Variants in PLCB4 observed in about 807,000 individuals in gnomAD.
PLCB4 encodes the protein phospholipase C beta 4, also known as 1-phosphatidylinositol 4,5-bisphosphate phosphodiesterase beta-4.
A neutral mutation model predicts 178.8 loss-of-function variants in PLCB4; 77 were observed. That is an observed-to-expected ratio of 0.43 (90% CI 0.36 to 0.52). The LOEUF is 0.52. Ranked by LOEUF, PLCB4 falls within the 20% of genes least tolerant of loss-of-function variation. The pLI, the probability that PLCB4 is intolerant of heterozygous loss-of-function variation, is 0.00. For synonymous variants in PLCB4, 496 were observed against 490.8 expected, an observed-to-expected ratio of 1.01 and a Z score of -0.14; for missense variants, 1,024 against 1,453.4, an observed-to-expected ratio of 0.70 and a Z score of 4.80.
intron 25 of PLCB4, among the ~76,000 whole-genome samples, chr20:9,414,430 C>T (rs6056603): frequency 0.069 from 10,512 of 152,286 alleles, 1,229 homozygotes; most frequent in African/African-American, 0.24. Context: ...GCATGGTTCT[C>T]ACCGTGTCAC....
intron 2 of PLCB4, among the ~76,000 whole-genome samples, chr20:9,176,118 T>G (rs1361263097): frequency 6.6e-6 from 1 of 152,196 alleles, no homozygotes; most frequent in Non-Finnish European, 1.5e-5. Context: ...AACTATGTAT[T>G]CTTTTTATCT....
At chr20:9,184,648 A>AT (rs1170854255) in intron 2 of PLCB4, among the ~76,000 whole-genome samples, 6 of 148,998 alleles carry the variant, frequency 4.0e-5, no homozygotes, top group South Asian at 2.1e-4. Flanking sequence ...TTAGGAGGCA[A>AT]TTTTTTTTTA....
intron 1 of PLCB4, among the ~76,000 whole-genome samples, chr20:9,083,061 C>A (rs755831189): frequency 6.6e-5 from 10 of 152,160 alleles, no homozygotes; most frequent in Non-Finnish European, 1.0e-4. Context: ...GCAGCAGATG[C>A]CTTCTGAAAA....
intron 2 of PLCB4, among the ~76,000 whole-genome samples, chr20:9,120,747 CAGGTGAATA>C (rs11468176): frequency 0.62 from 93,658 of 151,468 alleles, 29,950 homozygotes; most frequent in Middle Eastern, 0.76. Flanking sequence ...TTTCCACGGC[CAGGTGAATA>C]ATGTCAAAAT....
chr20:9,351,073 G>T (rs531526886), intron 7 of PLCB4, among the ~76,000 whole-genome samples: 1 of 152,066 alleles, frequency 6.6e-6, no homozygotes, highest in South Asian at 2.1e-4. Context: ...GGGGTTCTTT[G>T]GTCAGCTAAG....
At chr20:9,088,395 A>C (rs977789596) in intron 1 of PLCB4, among the ~76,000 whole-genome samples, 4 of 152,152 alleles carry the variant, frequency 2.6e-5, no homozygotes, top group African/African-American at 9.7e-5. Context: ...TTAGCAGAAA[A>C]TTGAAACAAT....
intron 2 of PLCB4, among the ~76,000 whole-genome samples, chr20:9,118,629 G>A (rs770433192): frequency 6.6e-6 from 1 of 152,010 alleles, no homozygotes; most frequent in African/African-American, 2.4e-5. Flanking sequence ...ACATGTGATT[G>A]GTTCCTTCCA....
At chr20:9,423,253 CATTTATTCAGAGATACTTA>C (rs2040769523) in intron 27 of PLCB4, among the ~76,000 whole-genome samples, 1 of 152,196 alleles carries the variant, frequency 6.6e-6, no homozygotes, top group African/African-American at 2.4e-5. Context: ...ATGCATGAAG[CATTTATTCAGAGATACTTA>C]ATTTATTTAT....
intron 34 of PLCB4, among the ~76,000 whole-genome samples, chr20:9,459,119 G>A (rs1043317756): frequency 1.3e-5 from 2 of 152,178 alleles, no homozygotes; most frequent in African/African-American, 4.8e-5. Flanking sequence ...CGAGGCAGGT[G>A]GATCACCTGA....
chr20:9,088,552 A>G (rs1190309379), intron 1 of PLCB4, among the ~76,000 whole-genome samples: 1 of 152,218 alleles, frequency 6.6e-6, no homozygotes, highest in Admixed American at 6.5e-5. Flanking sequence ...GAGAAATACT[A>G]AGTACCAAAT....
chr20:9,118,819 T>G (rs1327933098), intron 2 of PLCB4, among the ~76,000 whole-genome samples: 1 of 152,188 alleles, frequency 6.6e-6, no homozygotes, highest in African/African-American at 2.4e-5. Context: ...TGATTTATTG[T>G]TAGAGAAAAG....
chr20:9,079,712 A>G (rs1340667256), intron 1 of PLCB4, among the ~76,000 whole-genome samples: 3 of 152,206 alleles, frequency 2.0e-5, no homozygotes, highest in Non-Finnish European at 4.4e-5. Flanking sequence ...GGACAAAGAA[A>G]ATAAAACTGC....
intron 2 of PLCB4, among the ~76,000 whole-genome samples, chr20:9,213,261 C>T (rs998972711): frequency 6.8e-6 from 1 of 147,246 alleles, no homozygotes; most frequent in South Asian, 2.1e-4. Flanking sequence ...TCTCTTGCCT[C>T]AGCCTCCCAA....
intron 2 of PLCB4, among the ~76,000 whole-genome samples, chr20:9,156,367 G>C (rs963679926): frequency 5.3e-5 from 8 of 152,144 alleles, no homozygotes; most frequent in African/African-American, 1.9e-4. Context: ...ACAGGCTTAT[G>C]AGGTAAGTGT....
At chr20:9,225,585 T>G (rs535591207) in intron 3 of PLCB4, among the ~76,000 whole-genome samples, 1 of 152,304 alleles carries the variant, frequency 6.6e-6, no homozygotes, top group South Asian at 2.1e-4. Flanking sequence ...TTCTGTGTCA[T>G]TTCCTGAGGG....
At chr20:9,358,735 A>C (rs947899126) in intron 7 of PLCB4, among the ~76,000 whole-genome samples, 2 of 152,012 alleles carry the variant, frequency 1.3e-5, no homozygotes, top group Non-Finnish European at 2.9e-5. Context: ...CTCTACTAAG[A>C]GTACAAAAAA....
chr20:9,363,125 T>C, intron 8 of PLCB4, 150 bp downstream of exon 8: 1 of 666,584 alleles, frequency 1.5e-6, no homozygotes, highest in South Asian at 1.7e-5. Flanking sequence ...CACACACCTG[T>C]ACTCTTCATA....
intron 4 of PLCB4, among the ~76,000 whole-genome samples, chr20:9,327,558 C>T (rs1039041909): frequency 2.6e-5 from 4 of 151,882 alleles, no homozygotes; most frequent in Admixed American, 6.6e-5. Context: ...GGGTGGATCA[C>T]GAGGTCAGGA....
chr20:9,195,705 C>T (rs1036879870), intron 2 of PLCB4, among the ~76,000 whole-genome samples: 1 of 152,160 alleles, frequency 6.6e-6, no homozygotes, highest in African/African-American at 2.4e-5. Context: ...TATTGAATTA[C>T]ACCACCAACT....
Sources: allele counts gnomAD v4.1 joint callset (sites outside exome capture counted in the v4.1 genomes callset), GRCh38; gene constraint gnomAD v4.1.1; transcripts MANE v1.5; gene names NCBI Gene and HGNC (gene_info 2026-07-23, HGNC 2026-07-21).